Variants in SH3GLB1 observed in about 807,000 individuals in gnomAD.
The protein encoded by SH3GLB1 is SH3 domain containing GRB2 like, endophilin B1.
SH3GLB1 carries 17 observed loss-of-function variants against 42.0 expected under a neutral mutation model. The observed-to-expected ratio is 0.40, with a 90% CI of 0.28 to 0.61. The LOEUF (loss-of-function observed/expected upper bound fraction) is 0.61, where lower values mean the gene tolerates loss of function less well. Ranked by LOEUF, SH3GLB1 falls within the 20% of genes least tolerant of loss-of-function variation. SH3GLB1 has a pLI of 0.36. For synonymous variants in SH3GLB1, 132 were observed against 146.6 expected, an observed-to-expected ratio of 0.90 and a Z score of 0.72; for missense variants, 355 against 426.3, an observed-to-expected ratio of 0.83 and a Z score of 1.47.
At chr1:86,722,402 G>A (rs1654917421) in intron 3 of SH3GLB1, 138 bp from the exon 4 acceptor site, 2 of 670,282 alleles carry the variant, frequency 3.0e-6, no homozygotes, top group Admixed American at 6.4e-5. Flanking sequence ...CTTAATTACA[G>A]TTAATTCTAT....
intron 7 of SH3GLB1, 65 bp from the exon 8 acceptor site, chr1:86,742,143 G>A (rs1402769355): frequency 4.3e-6 from 5 of 1,165,370 alleles, no homozygotes; most frequent in East Asian, 2.4e-5. Context: ...CAGCGCCACC[G>A]AGTGGTGGTA....
rs746749412 is a variant in SH3GLB1 at position 86,724,351 on chromosome 1, G to A, written c.516G>A (p.Leu172=). 7.2e-5 allele frequency: 116 copies of A among 1,603,326 alleles called. 3 individuals carry two copies. The Admixed American group carries it at 2.0e-3, about 28-fold the overall frequency. ...RKLLQNKRLD[L]DAAKTRLKKA... The stretch of plus-strand genomic sequence containing the variant: ...TATTGCAAAATAAGAGACTGGATTT[G>A]GATGCTGCAAAAACGAGACTAAAAA... The change falls in exon 5 of 9, where the codon TTG becomes TTA. Residue 172 remains leucine, a synonymous_variant. Coordinates refer to ENST00000370558, the MANE Select transcript of SH3GLB1 (RefSeq NM_016009.5).
chr1:86,742,876 G>A (rs888449892), intron 8 of SH3GLB1, among the ~76,000 whole-genome samples: 6 of 152,080 alleles, frequency 3.9e-5, no homozygotes, highest in African/African-American at 7.2e-5. Context: ...TGGGAGGATC[G>A]TTTGAACACG....
At chr1:86,708,902 A>G (rs1020404138) in intron 1 of SH3GLB1, among the ~76,000 whole-genome samples, 4 of 152,172 alleles carry the variant, frequency 2.6e-5, no homozygotes, top group African/African-American at 9.7e-5. Flanking sequence ...TTTTGTTCAT[A>G]TGGTTAGACT....
At chr1:86,717,847 A>G (rs987904821) in intron 2 of SH3GLB1, among the ~76,000 whole-genome samples, 11 of 152,240 alleles carry the variant, frequency 7.2e-5, no homozygotes, top group African/African-American at 2.7e-4. Flanking sequence ...TACGTTATGC[A>G]GAAATACATA....
chr1:86,733,501 C>G (rs2101973797), intron 5 of SH3GLB1, among the ~76,000 whole-genome samples: 1 of 152,120 alleles, frequency 6.6e-6, no homozygotes, highest in Non-Finnish European at 1.5e-5. Context: ...GTGGAAAATG[C>G]TATTTGTGCT....
chr1:86,734,504 A>C lies in SH3GLB1; in HGVS notation c.571-98A>C. 4 of 817,732 alleles carry C rather than the reference A, an allele frequency of 4.9e-6. No homozygotes were observed. In the South Asian group the frequency reaches 6.9e-5, roughly 14 times the overall value. The allele number at this position is 817,732 out of a possible 1,614,324, so 50.7% of individuals were successfully genotyped here. A position where few individuals can be genotyped will look rare whatever the true frequency, so the allele number is the denominator to read the frequency against. On this transcript the variant is annotated intron_variant, in intron 5 of 8. Transcript: ENST00000370558. ...TGCGGAATTGCCAGATTATAACTTG[A>C]GGTTTGTTCGGGGGATTTTTTTTAA...
Position 86,714,136 on chromosome 1 carries a change from A to G in SH3GLB1, c.73-1588A>G, listed in dbSNP as rs947187447. On this transcript the variant is annotated intron_variant, in intron 1 of 8. Coordinates refer to ENST00000370558, the MANE Select transcript of SH3GLB1 (RefSeq NM_016009.5). The stretch of plus-strand genomic sequence containing the variant: ...TTATAGGTGATGTTCACCTGAGTGA[A>G]AGGTATTCCCTTTCTTCCCTTCCTA... 2.6e-5 allele frequency among the ~76,000 whole-genome samples: 4 copies of G among 152,214 alleles called. No individual in the cohort carries two copies. The South Asian group carries it at 8.3e-4, about 32-fold the overall frequency.
At chr1:86,717,161 G>C (rs1057335911) in intron 2 of SH3GLB1, among the ~76,000 whole-genome samples, 16 of 152,136 alleles carry the variant, frequency 1.1e-4, no homozygotes, top group Non-Finnish European at 2.2e-4. Context: ...TGCACTTTGA[G>C]TGAGTCCTAA....
At chr1:86,729,505 A>T (rs578067827) in intron 5 of SH3GLB1, among the ~76,000 whole-genome samples, 1 of 152,304 alleles carries the variant, frequency 6.6e-6, no homozygotes, top group African/African-American at 2.4e-5. Context: ...TATTTCAGTC[A>T]TTGCTAATTT....
chr1:86,724,879 A>AT (rs1225090398), intron 5 of SH3GLB1, among the ~76,000 whole-genome samples: 2 of 115,022 alleles, frequency 1.7e-5, no homozygotes, highest in African/African-American at 1.1e-4. Flanking sequence ...GTCTTTAAAA[A>AT]AAAAAAAAAA....
At position 86,745,551 on chromosome 1, in the gene SH3GLB1, C is replaced by T. The variant is rs1472748041; in HGVS notation, c.*2316C>T. 1 of 152,184 alleles carries T rather than the reference C, an allele frequency of 6.6e-6. No individual in the cohort carries two copies. Among genetic ancestry groups the T allele is most frequent in the Non-Finnish European group, 1.5e-5 (1 of 68,010 alleles). 9.4% of individuals were successfully genotyped at this position (152,184 alleles called of 1,614,324 possible). A position where few individuals can be genotyped will look rare whatever the true frequency, so the allele number is the denominator to read the frequency against. ...ATCATTTTTCAGAACTTTCAGCTTT[C>T]CATCAAGTGAAAGTTGATTTTAGTT... is the stretch of plus-strand genomic sequence containing the variant. On this transcript the variant is annotated 3_prime_UTR_variant, in exon 9 of 9. Transcript: ENST00000370558.
At chr1:86,728,917 G>C (rs1321578895) in intron 5 of SH3GLB1, among the ~76,000 whole-genome samples, 2 of 151,966 alleles carry the variant, frequency 1.3e-5, no homozygotes, top group Admixed American at 6.6e-5. Context: ...AATTTTTTCT[G>C]CCATTTCAGG....
chr1:86,709,638 GCT>G (rs1654083617), intron 1 of SH3GLB1, among the ~76,000 whole-genome samples: 2 of 152,132 alleles, frequency 1.3e-5, no homozygotes, highest in Admixed American at 1.3e-4. Context: ...GCAAAACCTT[GCT>G]CACCATCATT....
At chr1:86,705,042 G>A in intron 1 of SH3GLB1, 71 bp downstream of exon 1, 2 of 1,073,066 alleles carry the variant, frequency 1.9e-6, no homozygotes, top group South Asian at 3.0e-5. Flanking sequence ...GCAGCTCGAC[G>A]CGGCGCCCCC....
rs536111336 is a variant in SH3GLB1 at position 86,721,322 on chromosome 1, C to T, written c.344-1218C>T. ...CCTGCTTTTAAGATAAATTATATTA[C>T]CTTCATTTTAAAGACAAGGAAACAG... is the stretch of plus-strand genomic sequence containing the variant. On this transcript the variant is annotated intron_variant, in intron 3 of 8. Coordinates refer to ENST00000370558, the MANE Select transcript of SH3GLB1 (RefSeq NM_016009.5). Among the ~76,000 whole-genome samples the T allele has an allele frequency of 4.6e-5, 7 of 152,096 alleles. No homozygotes were observed. The East Asian group carries it at 1.3e-3, about 29-fold the overall frequency.
intron 7 of SH3GLB1, among the ~76,000 whole-genome samples, chr1:86,735,893 T>C (rs1655756761): frequency 6.6e-6 from 1 of 152,150 alleles, no homozygotes; most frequent in South Asian, 2.1e-4. Context: ...AGACAGGCCA[T>C]GTGGTAGGCA....
intron 1 of SH3GLB1, among the ~76,000 whole-genome samples, chr1:86,705,505 C>T (rs1450808971): frequency 6.6e-6 from 1 of 152,160 alleles, no homozygotes; most frequent in Non-Finnish European, 1.5e-5. Context: ...TGGCAGCCCG[C>T]GGGGGAAATG....
chr1:86,708,695 A>C (rs565014208), intron 1 of SH3GLB1, among the ~76,000 whole-genome samples: 4 of 152,240 alleles, frequency 2.6e-5, no homozygotes, highest in East Asian at 3.8e-4. Flanking sequence ...CAAAAGTATC[A>C]GGTAATTCAC....
Sources: gnomAD v4.1 joint callset for allele counts (sites outside exome capture counted in the v4.1 genomes callset) on GRCh38, gnomAD v4.1.1 for gene constraint, MANE v1.5 for transcripts, NCBI Gene and HGNC (gene_info 2026-07-23, HGNC 2026-07-21) for gene names.